ERFL: variants seen among roughly 807,000 people sequenced by gnomAD.
ERFL encodes the protein ETS domain-containing transcription factor ERF-like.
In ERFL, 8 loss-of-function variants were observed where a neutral mutation model predicts 27.9. That is an observed-to-expected ratio of 0.29 (90% CI 0.17 to 0.52). ERFL has a LOEUF of 0.52. Among genes scored for constraint, ERFL ranks in the 20% least tolerant of loss-of-function variants. ERFL has a pLI of 0.97. For missense variants in ERFL, 294 were observed against 444.4 expected (o/e 0.66, Z 3.04); for synonymous variants, 174 against 202.8 (o/e 0.86, Z 1.21).
At chr19:41,918,918 C>T (rs1555852176) in intron 1 of ERFL, among the ~76,000 whole-genome samples, 1 of 151,058 alleles carries the variant, frequency 6.6e-6, no homozygotes, top group African/African-American at 2.4e-5. Flanking sequence ...ATACACCACA[C>T]ACACATGCAC....
chr19:41,919,476 C>T (rs1311948199), intron 1 of ERFL, among the ~76,000 whole-genome samples: 1 of 151,882 alleles, frequency 6.6e-6, no homozygotes, highest in African/African-American at 2.4e-5. Flanking sequence ...ACATTCAGCT[C>T]CTACAAATTA....
chr19:41,923,325 G>A (rs1182283559), intron 1 of ERFL: 1 of 377,996 alleles, frequency 2.6e-6, no homozygotes, highest in East Asian at 7.3e-5. Context: ...AAGACAAGGA[G>A]ACAGACACAG....
At chr19:41,924,155 G>A (rs1005502967) in intron 1 of ERFL, among the ~76,000 whole-genome samples, 1 of 151,808 alleles carries the variant, frequency 6.6e-6, no homozygotes, top group East Asian at 1.9e-4. Context: ...GGGAGATGGG[G>A]TTGGGAGGTA....
rs2074746326 is a variant in ERFL at position 41,910,590 on chromosome 19, A to T, written c.68-493T>A. Among the ~76,000 whole-genome samples the T allele has an allele frequency of 6.6e-6, 1 of 151,862 alleles. No homozygotes were observed. Among genetic ancestry groups the T allele is most frequent in the Admixed American group, 6.6e-5 (1 of 15,260 alleles). On this transcript the variant is annotated intron_variant, in intron 2 of 5. Coordinates refer to ENST00000597630, the MANE Select transcript of ERFL (RefSeq NM_001365103.2). This position sits in a 1 kb window ranked among gnomAD's most constrained non-coding sequence, Gnocchi z 4.4. ...ATTCCCCAGAGCCCCCCACTGACCC[A>T]TCCTGGCATATCCAGGCTGCAGCTC...
At chr19:41,914,710 A>C (rs868973051) in intron 1 of ERFL, among the ~76,000 whole-genome samples, 1 of 4,212 alleles carries the variant, frequency 2.4e-4, no homozygotes, top group Non-Finnish European at 3.3e-4. Context: ...CCCTTCCACC[A>C]TCTCTGTCTC....
Position 41,910,184 on chromosome 19 carries a change from A to G in ERFL, c.68-87T>C. 7.7e-7 allele frequency: 1 copy of G among 1,293,796 alleles called. No homozygotes were observed. The highest frequency in any genetic ancestry group is 1.5e-5 in the South Asian group (1 of 68,762). The allele number at this position is 1,293,796 out of a possible 1,614,324, so 80.1% of individuals were successfully genotyped here. ...TGCTGGACTCAGTAACCTGGGAGGC[A>G]TGTAGTTCTCCTCCAGTCTCAGGCA... On this transcript the variant is annotated intron_variant, in intron 2 of 5. Transcript: ENST00000597630. The surrounding 1 kb of genome is among the most constrained non-coding windows in gnomAD (Gnocchi z 4.4).
In ERFL at chr19:41,916,857, C is replaced by T. The variant is rs143711754; in HGVS notation, c.-13-3925G>A. 6.2e-4 allele frequency among the ~76,000 whole-genome samples: 95 copies of T among 152,162 alleles called. No homozygotes were observed. The highest frequency in any genetic ancestry group is 1.2e-3 in the Non-Finnish European group (83 of 68,018). On this transcript the variant is annotated intron_variant, in intron 1 of 5. Coordinates refer to ENST00000597630, the MANE Select transcript of ERFL (RefSeq NM_001365103.2). The surrounding 1 kb of genome is among the most constrained non-coding windows in gnomAD (Gnocchi z 5.4). ...AACATACGACCGACAGCGGCCCCTG[C>T]AGAGGTACACACAGACACACCCAGA...
rs1599670029 is a variant in ERFL at position 41,908,527 on chromosome 19, G to C, written c.766C>G (p.Leu256Val). The C allele has an allele frequency of 8.1e-7, 1 of 1,231,720 alleles. No homozygotes were observed. The allele number at this position is 1,231,720 out of a possible 1,614,324, so 76.3% of individuals were successfully genotyped here. A position where few individuals can be genotyped will look rare whatever the true frequency, so the allele number is the denominator to read the frequency against. ...LYPPHFYPNP[L>V]ASSLGHLPSS... ...GGCAGGTGGCCCAGGGAACTGGCCA[G>C]AGGGTTGGGGTAGAAATGCGGGGGG... Residue 256 changes from leucine (L) to valine (V), a missense_variant, in exon 6 of 6, where the codon CTG (leucine) becomes GTG (valine). Around this residue, in one of 3 missense-constraint regions of ERFL, gnomAD observed 246 missense variants for 371.4 expected, o/e 0.66. Coordinates refer to ENST00000597630, the MANE Select transcript of ERFL (RefSeq NM_001365103.2). The surrounding 1 kb of genome is among the most constrained non-coding windows in gnomAD (Gnocchi z 6.7).
chr19:41,919,791 T>TAAG (rs35316865), intron 1 of ERFL, among the ~76,000 whole-genome samples: 40,290 of 151,588 alleles, frequency 0.27, 11,537 homozygotes, highest in African/African-American at 0.72. Context: ...CCCTCAGAGA[T>TAAG]AACTGCCCCA....
chr19:41,926,146 G>C (rs2074869354), intron 1 of ERFL, among the ~76,000 whole-genome samples: 1 of 152,030 alleles, frequency 6.6e-6, no homozygotes, highest in Non-Finnish European at 1.5e-5. Context: ...GAGATAAAAT[G>C]CAGGGATTCC....
At position 41,912,914 on chromosome 19, in the gene ERFL, G is replaced by A; in HGVS notation, c.6C>T (p.Asp2=). 1 of 1,231,430 alleles carries A rather than the reference G, an allele frequency of 8.1e-7. No individual in the cohort carries two copies. Among genetic ancestry groups the A allele is most frequent in the Non-Finnish European group, 1.0e-6 (1 of 987,744 alleles). 76.3% of individuals were successfully genotyped at this position (1,231,430 alleles called of 1,614,324 possible). A position where few individuals can be genotyped will look rare whatever the true frequency, so the allele number is the denominator to read the frequency against. Residue 2 remains aspartate (D), a synonymous_variant, in exon 2 of 6, where the codon GAC becomes GAT. Transcript: ENST00000597630. M[D]CSCVSDLLFA... is the part of the protein sequence containing the mutation. ...AGAGAAGGTCGGAGACGCAGCTACA[G>A]TCCATGGCGGAGCCGGCCCTGCAGA...
chr19:41,914,571 C>CTT (rs1568831562), intron 1 of ERFL, among the ~76,000 whole-genome samples: 2 of 28,248 alleles, frequency 7.1e-5, no homozygotes, highest in Non-Finnish European at 1.6e-4. Context: ...CCATCTCTGT[C>CTT]TCCGTCTCTC....
intron 2 of ERFL, among the ~76,000 whole-genome samples, chr19:41,911,823 T>C (rs911983570): frequency 1.3e-5 from 2 of 152,074 alleles, no homozygotes; most frequent in East Asian, 1.9e-4. Flanking sequence ...GTTGTACCTA[T>C]GAGGCACAGG....
chr19:41,926,028 G>A (rs545667529), intron 1 of ERFL, among the ~76,000 whole-genome samples: 1 of 152,146 alleles, frequency 6.6e-6, no homozygotes, highest in Non-Finnish European at 1.5e-5. Flanking sequence ...TTGAGAGGAG[G>A]AAGAGGTGAA....
intron 1 of ERFL, among the ~76,000 whole-genome samples, chr19:41,914,473 T>C (rs1389151275): frequency 2.6e-5 from 4 of 151,336 alleles, no homozygotes; most frequent in Non-Finnish European, 4.4e-5. Flanking sequence ...TTCTTCTCCA[T>C]CTGTCTCTCC....
Position 41,909,804 on chromosome 19 carries a change from C to T in ERFL, c.302+59G>A. The T allele has an allele frequency of 6.6e-7, 1 of 1,504,138 alleles. No individual in the cohort carries two copies. The highest frequency in any genetic ancestry group is 1.4e-5 in the African/African-American group (1 of 72,488). The allele number at this position is 1,504,138 out of a possible 1,614,324, so 93.2% of individuals were successfully genotyped here. On this transcript the variant is annotated intron_variant, in intron 3 of 5. Transcript: ENST00000597630. This position sits in a 1 kb window ranked among gnomAD's most constrained non-coding sequence, Gnocchi z 5.2. ...CCTGCCCCAGGATGCAGAGGGGGCA[C>T]CAGAGGGACAGTTGGGGGAAAAGGA...
At chr19:41,914,415 T>C (rs753895416) in intron 1 of ERFL, among the ~76,000 whole-genome samples, 25 of 150,180 alleles carry the variant, frequency 1.7e-4, no homozygotes, top group Middle Eastern at 6.9e-3. Context: ...CTCCATCTCC[T>C]CCTCCACCCC....
chr19:41,913,917 A>C (rs782248830), intron 1 of ERFL, among the ~76,000 whole-genome samples: 3 of 131,192 alleles, frequency 2.3e-5, no homozygotes, highest in African/African-American at 2.9e-5. Flanking sequence ...CCACCCTCAC[A>C]CCCCACCTCT....
chr19:41,925,212 C>A (rs1263856619), intron 1 of ERFL, among the ~76,000 whole-genome samples: 1 of 151,990 alleles, frequency 6.6e-6, no homozygotes, highest in East Asian at 1.9e-4. Flanking sequence ...GAATGTGTTA[C>A]CAGGGCAGAG....
Sources: gnomAD v4.1 joint callset for allele counts (sites outside exome capture counted in the v4.1 genomes callset) on GRCh38, gnomAD v4.1.1 for gene constraint, gnomAD v4.1.1 regional missense constraint, Gnocchi (gnomAD v3.1) non-coding constraint, MANE v1.5 for transcripts, NCBI Gene and HGNC (gene_info 2026-07-23, HGNC 2026-07-21) for gene names.